The following TLK1 variants were observed in gnomAD, a reference collection of about 807,000 sequenced individuals.
TLK1 encodes tousled like kinase 1.
TLK1 carries 24 observed loss-of-function variants against 105.3 expected under a neutral mutation model. The ratio of observed to expected loss-of-function variants is 0.23; its 90% CI spans 0.17 to 0.32. TLK1 has a LOEUF of 0.32. Ranked by LOEUF, TLK1 falls within the 10% of genes least tolerant of loss-of-function variation. The pLI is 1.00. For missense variants in TLK1, 558 were observed against 910.5 expected, an observed-to-expected ratio of 0.61 and a Z score of 4.98; for synonymous variants, 321 against 310.4, an observed-to-expected ratio of 1.03 and a Z score of -0.36.
intron 12 of TLK1, among the ~76,000 whole-genome samples, chr2:171,019,194 T>C (rs1006341803): frequency 3.3e-5 from 5 of 152,196 alleles, no homozygotes; most frequent in East Asian, 1.9e-4. Flanking sequence ...ATCTTCAGCA[T>C]AGAAATGCTT....
At chr2:171,088,105 C>T (rs898165819) in intron 2 of TLK1, among the ~76,000 whole-genome samples, 4 of 151,974 alleles carry the variant, frequency 2.6e-5, no homozygotes, top group Admixed American at 6.6e-5. Context: ...CTGAAGTAGA[C>T]GGATGGCTTG....
At chr2:171,174,341 A>G (rs1418171505) in intron 1 of TLK1, among the ~76,000 whole-genome samples, 2 of 151,952 alleles carry the variant, frequency 1.3e-5, no homozygotes, top group Non-Finnish European at 2.9e-5. Flanking sequence ...TGCTTGACTC[A>G]CCATTCAAGA....
intron 4 of TLK1, among the ~76,000 whole-genome samples, chr2:171,060,696 TTAAC>T (rs1687710553): frequency 6.6e-6 from 1 of 152,298 alleles, no homozygotes; most frequent in East Asian, 1.9e-4. Flanking sequence ...AGATAATACT[TTAAC>T]TAGAGTCTCT....
chr2:171,006,737 A>G, intron 16 of TLK1, 63 bp downstream of exon 16: 1 of 1,589,640 alleles, frequency 6.3e-7, no homozygotes, highest in Non-Finnish European at 8.6e-7. Context: ...TCATCAACAC[A>G]GGATGGGGAA....
At chr2:171,019,130 T>A (rs1278934911) in intron 12 of TLK1, among the ~76,000 whole-genome samples, 3 of 151,000 alleles carry the variant, frequency 2.0e-5, no homozygotes, top group African/African-American at 2.4e-5. Flanking sequence ...AAAAAAAAAA[T>A]GTGTATGGAT....
Position 171,006,905 on chromosome 2 carries a change from G to A in TLK1, c.1509-16C>T, listed in dbSNP as rs1213926410. On this transcript the variant is annotated splice_polypyrimidine_tract_variant and intron_variant, in intron 15 of 20. Transcript: ENST00000431350. ...GCAGGCATGTCTATGAGAAGACAGT[G>A]TATTAATTCTCCATGATCATTCAAA... 1.2e-6 allele frequency: 2 copies of A among 1,608,212 alleles called. No homozygotes were observed. The highest frequency in any genetic ancestry group is 1.7e-6 in the Non-Finnish European group (2 of 1,176,622).
At chr2:171,014,813 T>C in intron 13 of TLK1, 38 bp downstream of exon 13, 1 of 1,477,892 alleles carries the variant, frequency 6.8e-7, no homozygotes, top group East Asian at 2.3e-5. Context: ...GGGGTAGTTT[T>C]AATAATATGA....
At chr2:171,079,419 G>A (rs1280150667) in intron 3 of TLK1, among the ~76,000 whole-genome samples, 1 of 152,170 alleles carries the variant, frequency 6.6e-6, no homozygotes, top group African/African-American at 2.4e-5. Flanking sequence ...CTAAATGTTT[G>A]TTCTACTAAA....
intron 1 of TLK1, among the ~76,000 whole-genome samples, chr2:171,196,049 A>AAAAAG (rs1553488738): frequency 2.7e-5 from 4 of 150,578 alleles, no homozygotes; most frequent in African/African-American, 9.7e-5. Context: ...AAAAAAAAAA[A>AAAAAG]AAAGAAAGAA....
At chr2:170,994,895 GGTA>G (rs1683981276) in intron 20 of TLK1, among the ~76,000 whole-genome samples, 1 of 152,030 alleles carries the variant, frequency 6.6e-6, no homozygotes, top group African/African-American at 2.4e-5. Context: ...GGAGGTAACT[GGTA>G]ATTGTTTCCC....
At chr2:171,148,915 G>A (rs916983292) in intron 1 of TLK1, among the ~76,000 whole-genome samples, 3 of 145,788 alleles carry the variant, frequency 2.1e-5, no homozygotes, top group African/African-American at 7.6e-5. Flanking sequence ...ATATATATGT[G>A]TGTGTGTGTG....
intron 2 of TLK1, among the ~76,000 whole-genome samples, chr2:171,101,331 A>G (rs1363456104): frequency 8.2e-6 from 1 of 121,866 alleles, no homozygotes; most frequent in Non-Finnish European, 1.7e-5. Context: ...GGACAACAAG[A>G]GTGAAACTCC....
At chr2:171,156,493 C>T (rs1294084763) in intron 1 of TLK1, among the ~76,000 whole-genome samples, 2 of 152,120 alleles carry the variant, frequency 1.3e-5, no homozygotes, top group Non-Finnish European at 2.9e-5. Flanking sequence ...AGTAAAGAGG[C>T]CCTGAGGCCA....
intron 1 of TLK1, among the ~76,000 whole-genome samples, chr2:171,156,365 C>T (rs1273534440): frequency 6.6e-6 from 1 of 152,166 alleles, no homozygotes; most frequent in Non-Finnish European, 1.5e-5. Flanking sequence ...CTATTTACAA[C>T]ACAGTTTAAA....
chr2:171,051,520 T>C (rs1458821239), intron 8 of TLK1, among the ~76,000 whole-genome samples: 2 of 152,154 alleles, frequency 1.3e-5, no homozygotes, highest in East Asian at 1.9e-4. Context: ...GTGACCCTAA[T>C]AGATATATTG....
intron 11 of TLK1, among the ~76,000 whole-genome samples, chr2:171,032,308 A>T (rs753931629): frequency 6.6e-6 from 1 of 152,188 alleles, no homozygotes; most frequent in Non-Finnish European, 1.5e-5. Flanking sequence ...AACTATCTAT[A>T]TTTGCAGATG....
At chr2:171,159,261 T>C (rs534471545) in intron 1 of TLK1, among the ~76,000 whole-genome samples, 7 of 152,232 alleles carry the variant, frequency 4.6e-5, no homozygotes, top group African/African-American at 9.6e-5. Flanking sequence ...CGTCTACCAA[T>C]TGCGGATGAA....
intron 1 of TLK1, among the ~76,000 whole-genome samples, chr2:171,140,540 T>G (rs1296581298): frequency 6.6e-6 from 1 of 152,168 alleles, no homozygotes; most frequent in Non-Finnish European, 1.5e-5. Context: ...TCCCCCAAAC[T>G]CTGGGTTGGG....
At chr2:171,112,360 G>A (rs185615247) in intron 2 of TLK1, among the ~76,000 whole-genome samples, 1 of 152,178 alleles carries the variant, frequency 6.6e-6, no homozygotes, top group African/African-American at 2.4e-5. Flanking sequence ...ATAATCCAAA[G>A]GAGAAAAATC....
Sources: gnomAD v4.1 joint callset for allele counts (sites outside exome capture counted in the v4.1 genomes callset) on GRCh38, gnomAD v4.1.1 for gene constraint, MANE v1.5 for transcripts, NCBI Gene and HGNC (gene_info 2026-07-23, HGNC 2026-07-21) for gene names.